TAFA5: variants seen among roughly 807,000 people sequenced by gnomAD.
TAFA5 encodes the protein TAFA chemokine like family member 5.
TAFA5 carries 6 observed loss-of-function variants against 15.3 expected under a neutral mutation model. The ratio of observed to expected loss-of-function variants is 0.39; its 90% CI spans 0.21 to 0.77. The LOEUF is 0.77. Among genes scored for constraint, TAFA5 ranks in the 30% least tolerant of loss-of-function variants. The pLI is 0.41. For missense variants in TAFA5, 161 were observed against 193.1 expected, an observed-to-expected ratio of 0.83 and a Z score of 0.98; for synonymous variants, 103 against 80.7, an observed-to-expected ratio of 1.28 and a Z score of -1.48.
chr22:48,536,314 C>A (rs1325365608), intron 1 of TAFA5, among the ~76,000 whole-genome samples: 1 of 152,230 alleles, frequency 6.6e-6, no homozygotes, highest in African/African-American at 2.4e-5. Flanking sequence ...TATCAGAGGG[C>A]TTTCCTCTCG....
At chr22:48,732,574 T>A (rs542208153) in intron 3 of TAFA5, among the ~76,000 whole-genome samples, 6 of 152,146 alleles carry the variant, frequency 3.9e-5, no homozygotes, top group South Asian at 2.1e-4. Flanking sequence ...TTTTTTGACA[T>A]GGAATCTGCC....
intron 1 of TAFA5, among the ~76,000 whole-genome samples, chr22:48,518,107 C>T (rs1233826132): frequency 6.6e-6 from 1 of 152,212 alleles, no homozygotes; most frequent in Admixed American, 6.5e-5. Flanking sequence ...AGCCCTGCTG[C>T]TTTCCGGGGG....
chr22:48,632,740 A>G (rs1481757833), intron 1 of TAFA5, among the ~76,000 whole-genome samples: 2 of 151,974 alleles, frequency 1.3e-5, no homozygotes, highest in African/African-American at 2.4e-5. Flanking sequence ...GGAGGCCCTG[A>G]CCCCTCCTGA....
At chr22:48,696,700 G>A (rs2147242635) in intron 2 of TAFA5, among the ~76,000 whole-genome samples, 1 of 152,346 alleles carries the variant, frequency 6.6e-6, no homozygotes, top group South Asian at 2.1e-4. Flanking sequence ...TACCACTGTT[G>A]CTGTCCTTGC....
At position 48,677,561 on chromosome 22, in the gene TAFA5, A is replaced by C. The variant is rs200036411; in HGVS notation, c.263-30156A>C. 3.0e-4 allele frequency among the ~76,000 whole-genome samples: 45 copies of C among 152,326 alleles called. No individual in the cohort carries two copies. In the East Asian group the frequency reaches 8.3e-3, roughly 28 times the overall value. ...ACCCAGCAGCAACGTGGGACAGCCC[A>C]GACCTGGCTTTCTGCCTGCTGCCTC... On this transcript the variant is annotated intron_variant, in intron 2 of 3. Coordinates refer to ENST00000402357, the MANE Select transcript of TAFA5 (RefSeq NM_001082967.3).
intron 1 of TAFA5, among the ~76,000 whole-genome samples, chr22:48,637,947 G>A (rs1320890987): frequency 2.0e-5 from 3 of 152,156 alleles, no homozygotes; most frequent in African/African-American, 7.2e-5. Flanking sequence ...TCCTGAGGCT[G>A]TCCTGCCCGG....
At chr22:48,557,745 G>C (rs1414867354) in intron 1 of TAFA5, among the ~76,000 whole-genome samples, 3 of 152,234 alleles carry the variant, frequency 2.0e-5, no homozygotes, top group Non-Finnish European at 4.4e-5. Context: ...ACCCCTTCCT[G>C]ACCTGCCCTT....
chr22:48,694,485 C>T (rs4271862), intron 2 of TAFA5, among the ~76,000 whole-genome samples: 2 of 152,156 alleles, frequency 1.3e-5, no homozygotes, highest in African/African-American at 2.4e-5. Context: ...AGAGACTCCT[C>T]CCAGAAACAC....
At position 48,707,733 on chromosome 22, in the gene TAFA5, C is replaced by G; in HGVS notation, c.279C>G (p.Thr93=). The G allele has an allele frequency of 6.2e-7, 1 of 1,613,900 alleles. No homozygotes were observed. Among genetic ancestry groups the G allele is most frequent in the Non-Finnish European group, 8.5e-7 (1 of 1,179,858 alleles). Residue 93 remains threonine (T), a synonymous_variant, in exon 3 of 4, where the codon ACC becomes ACG. Coordinates refer to ENST00000402357, the MANE Select transcript of TAFA5 (RefSeq NM_001082967.3). ...PACVDARIIK[T]KQWCDMLPCL... is the part of the protein sequence containing the mutation. The stretch of plus-strand genomic sequence containing the variant: ...CTCCCACAGCAAGAATCATCAAGAC[C>G]AAGCAGTGGTGTGACATGCTTCCGT...
At chr22:48,569,952 G>C (rs1203224288) in intron 1 of TAFA5, among the ~76,000 whole-genome samples, 1 of 152,268 alleles carries the variant, frequency 6.6e-6, no homozygotes, top group Non-Finnish European at 1.5e-5. Context: ...CTGGCCGCCA[G>C]TGCCCCCGCA....
At chr22:48,693,050 A>G (rs780665938) in intron 2 of TAFA5, among the ~76,000 whole-genome samples, 6 of 152,176 alleles carry the variant, frequency 3.9e-5, no homozygotes, top group Non-Finnish European at 8.8e-5. Flanking sequence ...GTGTTTGTCA[A>G]GGGCACTTAC....
At chr22:48,500,333 C>T (rs888554644) in intron 1 of TAFA5, among the ~76,000 whole-genome samples, 15 of 152,166 alleles carry the variant, frequency 9.9e-5, no homozygotes, top group Admixed American at 2.6e-4. Flanking sequence ...TTCAGCTTCA[C>T]GGGCTAAGGG....
At position 48,571,302 on chromosome 22, in the gene TAFA5, G is replaced by A. The variant is rs1374610798; in HGVS notation, c.113-75295G>A. ...TTTTTTTTTTTTTTTTTGAGACAAA[G>A]TCTCGCTCTGTTGCCAGGCTGGAGT... On this transcript the variant is annotated intron_variant, in intron 1 of 3. Coordinates refer to ENST00000402357, the MANE Select transcript of TAFA5 (RefSeq NM_001082967.3). Among the ~76,000 whole-genome samples, 8 of 109,914 alleles carry A rather than the reference G, an allele frequency of 7.3e-5. No individual in the cohort carries two copies. The East Asian group carries it at 2.4e-3, about 32-fold the overall frequency. 72.1% of individuals were successfully genotyped at this position (109,914 alleles called of 152,430 possible).
chr22:48,585,815 G>A (rs770061009), intron 1 of TAFA5, among the ~76,000 whole-genome samples: 12 of 151,870 alleles, frequency 7.9e-5, no homozygotes, highest in Admixed American at 1.3e-4. Context: ...CACACACAAA[G>A]CGCAGAAACA....
intron 1 of TAFA5, among the ~76,000 whole-genome samples, chr22:48,527,845 C>A (rs748008455): frequency 6.6e-6 from 1 of 152,306 alleles, no homozygotes; most frequent in Non-Finnish European, 1.5e-5. Flanking sequence ...GGGTGTTTCA[C>A]GGGTAGATGG....
rs149654106 is a variant in TAFA5 at position 48,712,182 on chromosome 22, G to A, written c.390+4338G>A. On this transcript the variant is annotated intron_variant, in intron 3 of 3. Coordinates refer to ENST00000402357, the MANE Select transcript of TAFA5 (RefSeq NM_001082967.3). Reference sequence around the variant, plus strand: ...AGTGATTCTCCTGCCTCAGCTTCCCGAGTAGCTGGAATTACAGGCACCCAC... The same window carrying A: ...AGTGATTCTCCTGCCTCAGCTTCCCAAGTAGCTGGAATTACAGGCACCCAC... Among the ~76,000 whole-genome samples, 258 of 152,244 alleles carry A rather than the reference G, an allele frequency of 1.7e-3. 1 individual carries two copies. The highest frequency in any genetic ancestry group is 6.6e-3 in the Admixed American group (101 of 15,294).
intron 1 of TAFA5, among the ~76,000 whole-genome samples, chr22:48,533,643 G>A (rs765288366): frequency 3.9e-5 from 6 of 152,202 alleles, no homozygotes; most frequent in Non-Finnish European, 8.8e-5. Flanking sequence ...GGAAGGGAAT[G>A]GGAGAAGGAC....
chr22:48,727,053 T>C (rs1929737169), intron 3 of TAFA5, among the ~76,000 whole-genome samples: 2 of 152,156 alleles, frequency 1.3e-5, no homozygotes, highest in South Asian at 4.2e-4. Context: ...ACCACCTACA[T>C]ACCTTTCCTG....
chr22:48,556,354 T>C (rs981576085), intron 1 of TAFA5, among the ~76,000 whole-genome samples: 4 of 152,178 alleles, frequency 2.6e-5, no homozygotes, highest in Non-Finnish European at 5.9e-5. Flanking sequence ...ATCTCCATCC[T>C]GCGCACCACA....
Sources: allele counts gnomAD v4.1 joint callset (sites outside exome capture counted in the v4.1 genomes callset), GRCh38; gene constraint gnomAD v4.1.1; transcripts MANE v1.5; gene names NCBI Gene and HGNC (gene_info 2026-07-23, HGNC 2026-07-21).